The following EVI5 variants were observed in gnomAD, a reference collection of about 807,000 sequenced individuals.
The protein encoded by EVI5 is ecotropic viral integration site 5, also known as ecotropic viral integration site 5 protein homolog.
In EVI5, 73 loss-of-function variants were observed where a neutral mutation model predicts 112.0. That is an observed-to-expected ratio of 0.65 (90% CI 0.54 to 0.79). The LOEUF (loss-of-function observed/expected upper bound fraction) is 0.79, where lower values mean the gene tolerates loss of function less well. EVI5 is among the 30% of genes least tolerant of loss of function. The probability of loss-of-function intolerance (pLI) is 0.00; values close to 1 mark genes in which losing one functional copy is unlikely to be tolerated. For synonymous variants in EVI5, 305 were observed against 319.9 expected, an observed-to-expected ratio of 0.95 and a Z score of 0.50; for missense variants, 900 against 968.8, an observed-to-expected ratio of 0.93 and a Z score of 0.94.
intron 18 of EVI5, among the ~76,000 whole-genome samples, chr1:92,596,159 C>T (rs1647792579): frequency 6.6e-6 from 1 of 152,088 alleles, no homozygotes; most frequent in East Asian, 1.9e-4. Context: ...GAGATCAATA[C>T]CAGTCTGGGG....
intron 2 of EVI5, among the ~76,000 whole-genome samples, chr1:92,711,011 T>C (rs1254619282): frequency 5.9e-5 from 9 of 152,124 alleles, no homozygotes; most frequent in African/African-American, 1.4e-4. Context: ...ATGCCACCTA[T>C]GTAAGGAAAA....
At chr1:92,619,810 A>G (rs1654117883) in intron 16 of EVI5, among the ~76,000 whole-genome samples, 1 of 152,128 alleles carries the variant, frequency 6.6e-6, no homozygotes, top group Non-Finnish European at 1.5e-5. Context: ...AAACAGTAAC[A>G]GACGTAAAGA....
chr1:92,550,813 T>TATATATATATATA (rs1346523555), intron 19 of EVI5, among the ~76,000 whole-genome samples: 1 of 80,120 alleles, frequency 1.2e-5, no homozygotes, highest in African/African-American at 5.4e-5. Flanking sequence ...TATATATATA[T>TATATATATATATA]AACAAAAAAA....
chr1:92,612,709 CAA>C (rs368453488), intron 16 of EVI5, among the ~76,000 whole-genome samples: 1 of 79,002 alleles, frequency 1.3e-5, no homozygotes. Context: ...GACTCCATCT[CAA>C]AAAAAAAAAA....
intron 18 of EVI5, among the ~76,000 whole-genome samples, chr1:92,590,814 G>C (rs1673713953): frequency 6.6e-6 from 1 of 152,172 alleles, no homozygotes; most frequent in Non-Finnish European, 1.5e-5. Context: ...GTAATTGTCA[G>C]ATTCATCAAA....
intron 13 of EVI5, chr1:92,647,642 T>A: frequency 2.8e-6 from 1 of 352,954 alleles, no homozygotes; most frequent in East Asian, 5.5e-5. Flanking sequence ...CCTTTAGCCA[T>A]CCTGACTAAA....
chr1:92,683,524 C>T (rs568300012), intron 9 of EVI5, among the ~76,000 whole-genome samples: 2 of 152,226 alleles, frequency 1.3e-5, no homozygotes, highest in Admixed American at 6.5e-5. Flanking sequence ...CAGCTCCTCG[C>T]CAGCAAGGGA....
intron 2 of EVI5, among the ~76,000 whole-genome samples, chr1:92,734,097 G>A (rs561833350): frequency 6.6e-6 from 1 of 152,272 alleles, no homozygotes; most frequent in East Asian, 1.9e-4. Flanking sequence ...ACATCATGAT[G>A]TATAAATTGA....
intron 1 of EVI5, among the ~76,000 whole-genome samples, chr1:92,773,482 C>A (rs1193445361): frequency 1.3e-5 from 2 of 152,158 alleles, no homozygotes; most frequent in East Asian, 1.9e-4. Flanking sequence ...CAGAGCAAGA[C>A]CCCCAAAAAT....
intron 1 of EVI5, among the ~76,000 whole-genome samples, chr1:92,750,056 G>T (rs1679936586): frequency 6.6e-6 from 1 of 152,118 alleles, no homozygotes; most frequent in South Asian, 2.1e-4. Context: ...ATCAAATACA[G>T]AATATATAAC....
At chr1:92,588,522 G>C (rs1428897227) in intron 18 of EVI5, among the ~76,000 whole-genome samples, 2 of 152,124 alleles carry the variant, frequency 1.3e-5, no homozygotes, top group African/African-American at 4.8e-5. Context: ...TGTGAAAATA[G>C]CAACAGTCCT....
chr1:92,554,943 T>TCACCA (rs1208627251), intron 19 of EVI5, among the ~76,000 whole-genome samples: 1 of 152,146 alleles, frequency 6.6e-6, no homozygotes, highest in Non-Finnish European at 1.5e-5. Flanking sequence ...ATGGCACCAC[T>TCACCA]GCACTCCAGC....
At chr1:92,654,265 G>T (rs945465094) in intron 13 of EVI5, among the ~76,000 whole-genome samples, 1 of 152,052 alleles carries the variant, frequency 6.6e-6, no homozygotes, top group East Asian at 1.9e-4. Flanking sequence ...TACTGTCCTG[G>T]AGGCTGAAAT....
chr1:92,633,047 T>C (rs1382021978), intron 14 of EVI5, among the ~76,000 whole-genome samples: 4 of 152,250 alleles, frequency 2.6e-5, no homozygotes, highest in Admixed American at 2.0e-4. Context: ...CACAGTTTGT[T>C]ATAATTTCTG....
chr1:92,694,011 C>G, intron 8 of EVI5, 112 bp from the exon 9 acceptor site: 2 of 744,550 alleles, frequency 2.7e-6, no homozygotes, highest in Non-Finnish European at 4.6e-6. Flanking sequence ...CTTGTAATCT[C>G]AGCATTTTGG....
intron 18 of EVI5, among the ~76,000 whole-genome samples, chr1:92,572,005 T>C (rs1202388072): frequency 1.3e-5 from 2 of 152,134 alleles, no homozygotes; most frequent in Non-Finnish European, 2.9e-5. Context: ...AAATGAAACT[T>C]TATAAAGAGG....
At chr1:92,672,899 T>A (rs971693853) in intron 10 of EVI5, among the ~76,000 whole-genome samples, 1 of 152,340 alleles carries the variant, frequency 6.6e-6, no homozygotes, top group East Asian at 1.9e-4. Context: ...ACAGTGTATA[T>A]ACTGAAGAAT....
At chr1:92,677,871 T>TAA (rs1666992834) in intron 9 of EVI5, among the ~76,000 whole-genome samples, 1 of 152,144 alleles carries the variant, frequency 6.6e-6, no homozygotes, top group Non-Finnish European at 1.5e-5. Context: ...ACTAACTGAT[T>TAA]AAGGTTAACA....
At chr1:92,525,267 C>CTTTTT (rs745392747) in intron 19 of EVI5, among the ~76,000 whole-genome samples, 1,677 of 104,350 alleles carry the variant, frequency 0.016, 215 homozygotes, top group African/African-American at 0.059. Flanking sequence ...ATGACAATGC[C>CTTTTT]TTTTTTTTTT....
Sources: gnomAD v4.1 joint callset for allele counts (sites outside exome capture counted in the v4.1 genomes callset) on GRCh38, gnomAD v4.1.1 for gene constraint, MANE v1.5 for transcripts, NCBI Gene and HGNC (gene_info 2026-07-23, HGNC 2026-07-21) for gene names.